Variants in PDZD2 observed in about 807,000 individuals in gnomAD.
PDZD2 encodes the protein PDZ domain containing 2, also known as PDZ domain-containing protein 2.
PDZD2 carries 90 observed loss-of-function variants against 220.7 expected under a neutral mutation model. The ratio of observed to expected loss-of-function variants is 0.41; its 90% CI spans 0.34 to 0.49. The LOEUF (loss-of-function observed/expected upper bound fraction) is 0.49. Among genes scored for constraint, PDZD2 ranks in the 20% least tolerant of loss-of-function variants. The pLI, the probability that PDZD2 is intolerant of heterozygous loss-of-function variation, is 0.28. For missense variants in PDZD2, 3,174 were observed against 3,608.5 expected (o/e 0.88, Z 3.08); for synonymous variants, 1,375 against 1,450.5 (o/e 0.95, Z 1.18).
intron 1 of PDZD2, among the ~76,000 whole-genome samples, chr5:31,778,890 A>T (rs1752881411): frequency 6.6e-6 from 1 of 152,174 alleles, no homozygotes; most frequent in Admixed American, 6.5e-5. Flanking sequence ...CTGAGATGAA[A>T]ACCGTCATTT....
chr5:31,956,810 TC>T, intron 2 of PDZD2, among the ~76,000 whole-genome samples: 1 of 144,158 alleles, frequency 6.9e-6, no homozygotes, highest in South Asian at 2.3e-4. Context: ...ACTGATTTCC[TC>T]CCAAAGCTTA....
chr5:31,737,372 C>T (rs532722816), intron 1 of PDZD2, among the ~76,000 whole-genome samples: 9 of 152,008 alleles, frequency 5.9e-5, no homozygotes, highest in East Asian at 1.9e-4. Flanking sequence ...TGGGGTTTCA[C>T]CGTGTTAGCC....
chr5:32,022,185 G>GTTTTTTT (rs145876120), intron 6 of PDZD2, among the ~76,000 whole-genome samples: 21 of 135,590 alleles, frequency 1.5e-4, no homozygotes, highest in Non-Finnish European at 2.2e-4. Flanking sequence ...TTGTTTTTTT[G>GTTTTTTT]TTTTTTTGTT....
chr5:32,066,592 T>C (rs1740233283), intron 14 of PDZD2, among the ~76,000 whole-genome samples: 1 of 152,212 alleles, frequency 6.6e-6, no homozygotes, highest in Non-Finnish European at 1.5e-5. Flanking sequence ...TCACCTCCTT[T>C]CACCTCGGGA....
At chr5:32,092,484 AT>A (rs983594702) in intron 20 of PDZD2, among the ~76,000 whole-genome samples, 2 of 151,938 alleles carry the variant, frequency 1.3e-5, no homozygotes, top group East Asian at 3.9e-4. Flanking sequence ...AGGCACGAGA[AT>A]AGCTTGAACC....
Position 31,896,800 on chromosome 5 carries a change from T to A in PDZD2, c.477-86355T>A, listed in dbSNP as rs1048208260. On this transcript the variant is annotated intron_variant, in intron 2 of 24. Transcript: ENST00000438447. ...CATAGACCCAGTCTCTACAAAAAAATTTAAAAATTAGCCAGGCATGGTGCC... is the reference window on the plus strand; with the variant it reads ...CATAGACCCAGTCTCTACAAAAAAAATTAAAAATTAGCCAGGCATGGTGCC... Among the ~76,000 whole-genome samples, 65 of 152,102 alleles carry A rather than the reference T, an allele frequency of 4.3e-4. 1 individual carries two copies. Among genetic ancestry groups the A allele is most frequent in the Admixed American group, 4.3e-3 (65 of 15,260 alleles).
intron 1 of PDZD2, among the ~76,000 whole-genome samples, chr5:31,729,617 G>A (rs1217605742): frequency 1.3e-5 from 2 of 152,132 alleles, no homozygotes; most frequent in Admixed American, 6.5e-5. Context: ...AGGAGTTAGA[G>A]GACTGTCCTT....
chr5:32,073,791 A>G, intron 17 of PDZD2, 41 bp from the exon 18 acceptor site: 4 of 1,330,824 alleles, frequency 3.0e-6, no homozygotes, highest in Non-Finnish European at 4.2e-6. Context: ...CCAAGTGGGA[A>G]GCTCAATTTC....
intron 1 of PDZD2, among the ~76,000 whole-genome samples, chr5:31,794,934 G>T (rs577088444): frequency 2.6e-5 from 4 of 152,058 alleles, no homozygotes; most frequent in African/African-American, 9.7e-5. Flanking sequence ...ATGACAGCCC[G>T]GTGTGAATCT....
At chr5:31,916,759 G>A (rs753582158) in intron 2 of PDZD2, among the ~76,000 whole-genome samples, 63 of 152,156 alleles carry the variant, frequency 4.1e-4, no homozygotes, top group Non-Finnish European at 2.5e-4. Flanking sequence ...CTGGGCAAGG[G>A]CATTTCATCT....
chr5:32,003,190 CA>C, intron 5 of PDZD2, among the ~76,000 whole-genome samples: 1 of 110,196 alleles, frequency 9.1e-6, no homozygotes, highest in Non-Finnish European at 1.9e-5. Flanking sequence ...ACCACACACA[CA>C]CTACACACAC....
intron 20 of PDZD2, 29 bp downstream of exon 20, chr5:32,091,204 A>G (rs778980452): frequency 1.4e-6 from 2 of 1,468,562 alleles, no homozygotes; most frequent in East Asian, 2.3e-5. Context: ...CTTTTATTTC[A>G]GATAAACTTG....
intron 13 of PDZD2, among the ~76,000 whole-genome samples, chr5:32,059,954 T>C (rs1739515084): frequency 6.6e-6 from 1 of 152,192 alleles, no homozygotes; most frequent in Non-Finnish European, 1.5e-5. Context: ...TGTTCTATTA[T>C]ATAGAAATTG....
At chr5:32,006,651 A>G (rs1369063484) in intron 5 of PDZD2, among the ~76,000 whole-genome samples, 1 of 149,756 alleles carries the variant, frequency 6.7e-6, no homozygotes, top group Non-Finnish European at 1.5e-5. Flanking sequence ...TAATGGGATT[A>G]CAGGCATGAA....
At chr5:31,759,978 A>G (rs1012786014) in intron 1 of PDZD2, among the ~76,000 whole-genome samples, 66 of 152,232 alleles carry the variant, frequency 4.3e-4, no homozygotes, top group Middle Eastern at 3.2e-3. Flanking sequence ...TATGGTTTAC[A>G]CAGCATCTTC....
intron 14 of PDZD2, 64 bp downstream of exon 14, chr5:32,061,198 T>C (rs1739661337): frequency 1.3e-6 from 2 of 1,533,714 alleles, no homozygotes; most frequent in African/African-American, 2.7e-5. Context: ...TATCGTATAC[T>C]CTTTGGTGAG....
rs1192035523 is a variant in PDZD2, at chr5:31,950,415, C to G, written c.477-32740C>G. Among the ~76,000 whole-genome samples, 3 of 152,158 alleles carry G rather than the reference C, an allele frequency of 2.0e-5. No individual in the cohort carries two copies. The East Asian group carries it at 5.8e-4, about 29-fold the overall frequency. On this transcript the variant is annotated intron_variant, in intron 2 of 24. Coordinates refer to ENST00000438447, the MANE Select transcript of PDZD2 (RefSeq NM_178140.4). ...ATTTTCATTAAGTGGATCCTCATTC[C>G]TAAGCAAATAACTGACGTGCTCTTG...
At position 32,048,614 on chromosome 5, in the gene PDZD2, T is replaced by C. The variant is rs1399818452; in HGVS notation, c.1595T>C (p.Met532Thr). The change falls in exon 8 of 25, where the codon ATG becomes ACG. Residue 532 changes from methionine to threonine, a missense_variant. By Grantham distance (81) the Met-to-Thr change is moderately conservative. This residue lies in a region of PDZD2 where 632 missense variants were observed against 708.1 expected (regional missense o/e 0.89). Transcript: ENST00000438447. ...CGGAATGGGGACCCCCGGATCCGGA[T>C]GTTGGAGGTCTCCCGAGATGGCCGG... The part of the protein sequence containing the change: ...MVRNGDPRIR[M>T]LEVSRDGRKH... The C allele has an allele frequency of 3.7e-6, 6 of 1,614,016 alleles. No homozygotes were observed. The East Asian group carries it at 1.1e-4, about 30-fold the overall frequency.
intron 1 of PDZD2, among the ~76,000 whole-genome samples, chr5:31,689,040 T>C (rs2150126890): frequency 6.6e-6 from 1 of 152,230 alleles, no homozygotes; most frequent in South Asian, 2.1e-4. Context: ...AAGCCACATG[T>C]ATCCACAAGG....
Sources: allele counts gnomAD v4.1 joint callset (sites outside exome capture counted in the v4.1 genomes callset), GRCh38; gene constraint gnomAD v4.1.1; regional missense constraint gnomAD v4.1.1; transcripts MANE v1.5; gene names NCBI Gene and HGNC (gene_info 2026-07-23, HGNC 2026-07-21).